The following VPS13C variants were observed in gnomAD, a reference collection of about 807,000 sequenced individuals.
VPS13C encodes the protein intermembrane lipid transfer protein VPS13C.
Under a neutral mutation model 456.8 loss-of-function variants are expected in VPS13C, and 358 were observed. The ratio of observed to expected loss-of-function variants is 0.78; its 90% CI spans 0.72 to 0.86. The LOEUF (loss-of-function observed/expected upper bound fraction) is 0.86, where lower values mean the gene tolerates loss of function less well. Among genes scored for constraint, VPS13C ranks in the 40% least tolerant of loss-of-function variants. The pLI, the probability that VPS13C is intolerant of heterozygous loss-of-function variation, is 0.00. For synonymous variants in VPS13C, 1,578 were observed against 1,486.7 expected (o/e 1.06, Z -1.41); for missense variants, 4,818 against 4,385.4 (o/e 1.10, Z -2.79).
chr15:61,986,297 G>C (rs543770653), intron 18 of VPS13C, among the ~76,000 whole-genome samples: 1 of 151,978 alleles, frequency 6.6e-6, no homozygotes, highest in Admixed American at 6.6e-5. Flanking sequence ...AGATAAAACA[G>C]AGCATGTTAG....
In VPS13C at chr15:61,898,481, C is replaced by T. The variant is rs555734844; in HGVS notation, c.9106-8081G>A. On this transcript the variant is annotated intron_variant, in intron 66 of 84. Transcript: ENST00000644861. ...GTCTCTGATAAAACAGACTTTAAAC[C>T]AACAAAGATCAAAAGAGACAAAGAA... Among the ~76,000 whole-genome samples the T allele has an allele frequency of 5.2e-3, 779 of 150,540 alleles. 9 individuals are homozygous for T. The highest frequency in any genetic ancestry group is 0.018 in the African/African-American group (751 of 40,970).
chr15:61,946,249 G>A, intron 44 of VPS13C, 58 bp downstream of exon 44: 1 of 1,263,260 alleles, frequency 7.9e-7, no homozygotes, highest in Non-Finnish European at 1.1e-6. Context: ...ATAAATAATA[G>A]CATCTCAAAT....
chr15:62,026,130 GA>G (rs1378559998), intron 6 of VPS13C, among the ~76,000 whole-genome samples: 4 of 130,588 alleles, frequency 3.1e-5, no homozygotes, highest in African/African-American at 1.0e-4. Context: ...TATATAATTA[GA>G]AAAGGGGGGA....
At chr15:62,033,781 A>ATAATTTATGTTT (rs2047896700) in intron 4 of VPS13C, among the ~76,000 whole-genome samples, 1 of 151,758 alleles carries the variant, frequency 6.6e-6, no homozygotes, top group Admixed American at 6.6e-5. Context: ...GCAGGTAGGA[A>ATAATTTATGTTT]AAAGGGAGAC....
chr15:61,942,396 T>C (rs2044460114), intron 45 of VPS13C, among the ~76,000 whole-genome samples: 1 of 151,848 alleles, frequency 6.6e-6, no homozygotes, highest in South Asian at 2.1e-4. Flanking sequence ...TTATTAAGAA[T>C]GTTGGTTATT....
chr15:61,942,711 A>T (rs2140262901), intron 45 of VPS13C, among the ~76,000 whole-genome samples: 1 of 152,212 alleles, frequency 6.6e-6, no homozygotes, highest in South Asian at 2.1e-4. Flanking sequence ...CATTCTCAGA[A>T]GCAATATTCT....
intron 3 of VPS13C, among the ~76,000 whole-genome samples, chr15:62,040,061 C>T (rs2048189742): frequency 1.3e-5 from 2 of 152,204 alleles, no homozygotes; most frequent in Non-Finnish European, 1.5e-5. Flanking sequence ...TTTGCAACAA[C>T]ATGGATGGAA....
At chr15:62,051,185 C>T (rs983706434) in intron 1 of VPS13C, among the ~76,000 whole-genome samples, 1 of 152,186 alleles carries the variant, frequency 6.6e-6, no homozygotes, top group Non-Finnish European at 1.5e-5. Context: ...GTGCGTAACA[C>T]TTAACTTTAT....
intron 48 of VPS13C, chr15:61,935,523 A>G (rs747759819): frequency 2.6e-5 from 4 of 152,246 alleles, no homozygotes; most frequent in Non-Finnish European, 4.4e-5. Context: ...AACCAGATAC[A>G]TGATCGTGAT....
At chr15:62,054,208 T>C (rs72749764) in intron 1 of VPS13C, among the ~76,000 whole-genome samples, 104 of 152,304 alleles carry the variant, frequency 6.8e-4, no homozygotes, top group Non-Finnish European at 1.1e-3. Context: ...GAAATTTATC[T>C]ATTGGTACCA....
chr15:61,946,157 G>A, intron 44 of VPS13C, 150 bp downstream of exon 44: 1 of 687,688 alleles, frequency 1.5e-6, no homozygotes, highest in Non-Finnish European at 2.3e-6. Flanking sequence ...TACACAATGT[G>A]AAAGCAGACT....
At chr15:62,054,521 T>C (rs888283006) in intron 1 of VPS13C, among the ~76,000 whole-genome samples, 4 of 152,032 alleles carry the variant, frequency 2.6e-5, no homozygotes, top group African/African-American at 7.3e-5. Context: ...ATTTGAACAA[T>C]GACAACACAT....
chr15:61,979,777 C>G (rs986951558), intron 22 of VPS13C, among the ~76,000 whole-genome samples: 9 of 152,064 alleles, frequency 5.9e-5, no homozygotes, highest in African/African-American at 2.2e-4. Flanking sequence ...TCAACAGAAG[C>G]CAAAACAAGT....
intron 50 of VPS13C, 125 bp downstream of exon 50, chr15:61,930,965 A>G: frequency 9.1e-7 from 1 of 1,101,506 alleles, no homozygotes; most frequent in Non-Finnish European, 1.3e-6. Context: ...ATGCAATTCA[A>G]ATCAGGAAGT....
intron 16 of VPS13C, among the ~76,000 whole-genome samples, chr15:62,000,099 C>A (rs1467648849): frequency 6.6e-6 from 1 of 152,040 alleles, no homozygotes; most frequent in African/African-American, 2.4e-5. Flanking sequence ...CAGTGGCTCA[C>A]GCCTGTAATC....
At chr15:62,025,813 G>A (rs1257779593) in intron 6 of VPS13C, among the ~76,000 whole-genome samples, 1 of 151,516 alleles carries the variant, frequency 6.6e-6, no homozygotes, top group Non-Finnish European at 1.5e-5. Context: ...TATAACTTGA[G>A]GACTCTAAAG....
chr15:61,964,897 AGCCAATTATAACCTGTAGTCTCCAC>A, intron 30 of VPS13C, 36 bp from the exon 31 acceptor site: 2 of 1,580,600 alleles, frequency 1.3e-6, no homozygotes, highest in South Asian at 2.4e-5. Context: ...AGTTTTCCAC[AGCCAATTATAACCTGTAGTCTCCAC>A]GACAGACCCA....
chr15:61,915,739 CG>C lies in VPS13C; in HGVS notation c.8338del (p.Arg2780GlyfsTer12), dbSNP rs1566997825. 6.2e-7 allele frequency: 1 copy of C among 1,614,076 alleles called. No individual in the cohort carries two copies. Among genetic ancestry groups the C allele is most frequent in the Non-Finnish European group, 8.5e-7 (1 of 1,180,012 alleles). ...ATCTTCTGAACGATACTGGAGAACC[CG>C]GGTAGTCTTGTTGATTAACCAATAG... ...SPYWLINKTT[R>X]VLQYRSEDIH... On this transcript the variant is annotated frameshift_variant, in exon 61 of 85. Transcript: ENST00000644861. LOFTEE classifies it high-confidence loss of function.
intron 82 of VPS13C, among the ~76,000 whole-genome samples, chr15:61,862,157 TAAAGGAAAAGGA>T (rs898803413): frequency 1.4e-5 from 2 of 140,360 alleles, no homozygotes; most frequent in East Asian, 4.2e-4. Flanking sequence ...AGAGAAAAAG[TAAAGGAAAAGGA>T]AAAGGAAAGG....
Sources: allele counts gnomAD v4.1 joint callset (sites outside exome capture counted in the v4.1 genomes callset), GRCh38; gene constraint gnomAD v4.1.1; transcripts MANE v1.5; gene names NCBI Gene and HGNC (gene_info 2026-07-23, HGNC 2026-07-21).